NXPE2: variants seen among roughly 807,000 people sequenced by gnomAD.
NXPE2 encodes neurexophilin and PC-esterase domain family member 2, also known as NXPE family member 2.
In NXPE2, 34 loss-of-function variants were observed where a neutral mutation model predicts 34.4. The ratio of observed to expected loss-of-function variants is 0.99; its 90% confidence interval spans 0.75 to 1.31. The LOEUF is 1.31. Among genes scored for constraint, NXPE2 ranks in the 40% most tolerant of loss-of-function variants. The pLI is 0.00. For synonymous variants in NXPE2, 235 were observed against 231.3 expected, an observed-to-expected ratio of 1.02 and a Z score of -0.15; for missense variants, 649 against 672.5, an observed-to-expected ratio of 0.97 and a Z score of 0.39.
chr11:114,530,498 C>T, the NXPE2 span: 5 of 1,613,932 alleles, frequency 3.1e-6, no homozygotes, highest in African/African-American at 1.3e-5. Context: ...CCTCCCAGAA[C>T]AGAGTGAAGC....
At chr11:114,558,312 T>TTTA in the NXPE2 span, among the ~76,000 whole-genome samples, 38 of 152,308 alleles carry the variant, frequency 2.5e-4, 1 homozygote, top group East Asian at 6.5e-3. Flanking sequence ...ATGCAAGTGC[T>TTTA]TTATTTTAAT....
the NXPE2 span, among the ~76,000 whole-genome samples, chr11:114,635,530 C>T: frequency 1.3e-5 from 2 of 151,992 alleles, no homozygotes; most frequent in Non-Finnish European, 2.9e-5. Context: ...AGAGGGCATC[C>T]CTGTCTTGTG....
chr11:114,662,229 G>A, the NXPE2 span, among the ~76,000 whole-genome samples: 67 of 151,592 alleles, frequency 4.4e-4, no homozygotes, highest in African/African-American at 1.5e-3. Flanking sequence ...TGTGCACTGG[G>A]GAGAGAGAGA....
At chr11:114,628,062 T>A in the NXPE2 span, among the ~76,000 whole-genome samples, 35 of 149,744 alleles carry the variant, frequency 2.3e-4, no homozygotes, top group South Asian at 5.4e-3. Context: ...CTCCCACACG[T>A]TAATAATGGG....
chr11:114,548,137 C>T, the NXPE2 span, among the ~76,000 whole-genome samples: 1 of 152,012 alleles, frequency 6.6e-6, no homozygotes. Context: ...AATTAAAACA[C>T]AAGCAATGAA....
the NXPE2 span, among the ~76,000 whole-genome samples, chr11:114,621,220 C>T: frequency 6.6e-6 from 1 of 152,082 alleles, no homozygotes; most frequent in Non-Finnish European, 1.5e-5. Flanking sequence ...TAAGTGTTGC[C>T]TCATGGGTAA....
the NXPE2 span, among the ~76,000 whole-genome samples, chr11:114,500,228 G>A: frequency 6.6e-6 from 1 of 152,038 alleles, no homozygotes; most frequent in Non-Finnish European, 1.5e-5. Flanking sequence ...ATTCCATACA[G>A]AAATGCATGA....
chr11:114,601,731 T>TTA, the NXPE2 span, among the ~76,000 whole-genome samples: 1 of 72,004 alleles, frequency 1.4e-5, no homozygotes, highest in Non-Finnish European at 2.3e-5. Context: ...TAATTATATA[T>TTA]TATATATAAT....
the NXPE2 span, among the ~76,000 whole-genome samples, chr11:114,593,124 T>C: frequency 6.6e-6 from 1 of 152,068 alleles, no homozygotes; most frequent in East Asian, 1.9e-4. Context: ...AGCCAGAGGA[T>C]TTTTGGATAA....
At chr11:114,741,801 A>T in the NXPE2 span, among the ~76,000 whole-genome samples, 1 of 152,096 alleles carries the variant, frequency 6.6e-6, no homozygotes, top group Non-Finnish European at 1.5e-5. Flanking sequence ...TAGGCAATTG[A>T]TCATAATTTC....
the NXPE2 span, chr11:114,527,993 G>A: frequency 1.0e-5 from 9 of 860,078 alleles, no homozygotes; most frequent in African/African-American, 5.1e-5. Flanking sequence ...AAAATTTTTA[G>A]TTTTCTATAA....
the NXPE2 span, among the ~76,000 whole-genome samples, chr11:114,745,404 T>C: frequency 2.0e-5 from 3 of 152,170 alleles, no homozygotes; most frequent in African/African-American, 7.2e-5. Context: ...AAACAGTTCT[T>C]ACAGGAACTG....
chr11:114,727,678 G>A, the NXPE2 span, among the ~76,000 whole-genome samples: 1 of 151,464 alleles, frequency 6.6e-6, no homozygotes, highest in Non-Finnish European at 1.5e-5. Context: ...CTTATTAGCT[G>A]TTTTGATATT....
intron 2 of NXPE2, among the ~76,000 whole-genome samples, chr11:114,694,684 C>T (rs1022057075): frequency 6.6e-6 from 1 of 152,088 alleles, no homozygotes; most frequent in African/African-American, 2.4e-5. Flanking sequence ...TACTTTCAAG[C>T]TCTCTTATTT....
chr11:114,583,968 C>G, the NXPE2 span: 1 of 377,540 alleles, frequency 2.6e-6, no homozygotes. Context: ...TCCTATGAGG[C>G]CATTTTCAAA....
chr11:114,801,548 C>G, the NXPE2 span, among the ~76,000 whole-genome samples: 2 of 152,158 alleles, frequency 1.3e-5, no homozygotes, highest in African/African-American at 4.8e-5. Context: ...TTAACTCATT[C>G]AGATTCTTAA....
chr11:114,551,235 G>C, the NXPE2 span: 2 of 1,435,710 alleles, frequency 1.4e-6, no homozygotes, highest in Middle Eastern at 1.7e-4. Context: ...CACAAGAGAG[G>C]AGTCGTGAGA....
the NXPE2 span, among the ~76,000 whole-genome samples, chr11:114,589,153 G>T: frequency 1.2e-4 from 19 of 152,098 alleles, no homozygotes; most frequent in African/African-American, 4.6e-4. Context: ...AAGCCACCTC[G>T]ACCCTCTCTA....
the NXPE2 span, among the ~76,000 whole-genome samples, chr11:114,775,825 T>G: frequency 6.6e-6 from 1 of 150,538 alleles, no homozygotes; most frequent in Non-Finnish European, 1.5e-5. Flanking sequence ...GGTAGATACT[T>G]GCTAAGAGGT....
Sources: allele counts gnomAD v4.1 joint callset (sites outside exome capture counted in the v4.1 genomes callset), GRCh38; gene constraint gnomAD v4.1.1; transcripts MANE v1.5; gene names NCBI Gene and HGNC (gene_info 2026-07-23, HGNC 2026-07-21).